Variants in CSF3R observed in about 807,000 individuals in gnomAD.
CSF3R encodes colony stimulating factor 3 receptor.
CSF3R carries 52 observed loss-of-function variants against 84.4 expected under a neutral mutation model. The ratio of observed to expected loss-of-function variants is 0.62; its 90% CI spans 0.49 to 0.78. The LOEUF is 0.78. Among genes scored for constraint, CSF3R ranks in the 30% least tolerant of loss-of-function variants. CSF3R has a pLI of 0.00. For synonymous variants in CSF3R, 384 were observed against 429.1 expected (o/e 0.89, Z 1.30); for missense variants, 890 against 1,055.7 (o/e 0.84, Z 2.17).
At chr1:36,479,316 G>T in intron 3 of CSF3R, 117 bp downstream of exon 3, 1 of 1,063,684 alleles carries the variant, frequency 9.4e-7, no homozygotes, top group East Asian at 2.6e-5. Context: ...GCTCAGACTT[G>T]AATCTTGTGG....
chr1:36,477,861 C>G (rs1260462464), intron 3 of CSF3R, among the ~76,000 whole-genome samples: 1 of 151,914 alleles, frequency 6.6e-6, no homozygotes, highest in Non-Finnish European at 1.5e-5. Flanking sequence ...TGGGCTCACG[C>G]CATTGTCCTG....
chr1:36,480,436 G>A (rs527602685), intron 2 of CSF3R, among the ~76,000 whole-genome samples: 4 of 152,316 alleles, frequency 2.6e-5, no homozygotes, highest in East Asian at 1.9e-4. Flanking sequence ...ATGAGGTCAC[G>A]GCCATAGCAC....
At position 36,466,800 on chromosome 1, in the gene CSF3R, T is replaced by G; in HGVS notation, c.2068A>C (p.Thr690Pro). ...EDAFQLPGLG[T>P]PPITKLTVLE... Reference sequence around the variant, plus strand: ...ACTGTGAGCTTGGTGATGGGTGGCGTGCCAAGGCCGGGCAGCTGGAAGGCA... The same window carrying G: ...ACTGTGAGCTTGGTGATGGGTGGCGGGCCAAGGCCGGGCAGCTGGAAGGCA... Residue 690 changes from threonine (T) to proline (P), a missense_variant, in exon 17 of 17, where the codon ACG becomes CCG. By Grantham distance (38) the Thr-to-Pro change is conservative. Transcript: ENST00000373106. The surrounding 1 kb of genome is among the most constrained non-coding windows in gnomAD (Gnocchi z 4.6). The G allele has an allele frequency of 6.2e-7, 1 of 1,614,088 alleles. No homozygotes were observed.
intron 4 of CSF3R, among the ~76,000 whole-genome samples, chr1:36,474,439 C>T (rs1040997253): frequency 1.4e-5 from 2 of 142,908 alleles, no homozygotes; most frequent in African/African-American, 5.4e-5. Context: ...ACTCTGTGGC[C>T]CAGGCTGGAG....
chr1:36,467,408 T>C lies in CSF3R; in HGVS notation c.1959-97A>G. On this transcript the variant is annotated intron_variant, in intron 15 of 16. Transcript: ENST00000373106. The surrounding 1 kb of genome is among the most constrained non-coding windows in gnomAD (Gnocchi z 4.1). ...CCACCTGAAGAGGTGCAGCTGCCCT[T>C]AGTGCAGAGAGAAGAAGCTGGGGGC... The C allele has an allele frequency of 2.1e-6, 3 of 1,428,152 alleles. No homozygotes were observed. The highest frequency in any genetic ancestry group is 3.0e-6 in the Non-Finnish European group (3 of 1,011,642). The allele number at this position is 1,428,152 out of a possible 1,614,324, so 88.5% of individuals were successfully genotyped here.
At chr1:36,475,707 C>G in intron 3 of CSF3R, 34 bp from the exon 4 acceptor site, 3 of 1,591,244 alleles carry the variant, frequency 1.9e-6, no homozygotes, top group Non-Finnish European at 2.6e-6. Context: ...GGAACGACGC[C>G]TCTGCCTAGC....
chr1:36,475,850 CAGAG>C, intron 3 of CSF3R, 177 bp from the exon 4 acceptor site: 1 of 621,012 alleles, frequency 1.6e-6, no homozygotes, highest in Non-Finnish European at 2.8e-6. Context: ...GGGGGTGACA[CAGAG>C]ATAGTGATGT....
chr1:36,470,808 AGT>A (rs139134824), intron 10 of CSF3R, among the ~76,000 whole-genome samples: 5 of 151,646 alleles, frequency 3.3e-5, no homozygotes, highest in African/African-American at 4.8e-5. Flanking sequence ...ATGGGCTGTG[AGT>A]GTGTGTGTGT....
rs967377281 is a variant in CSF3R, at chr1:36,467,194, C to T, written c.2040+36G>A. ...CCCTTCACTGAGCCTGGGCCGACAT[C>T]CCCATCTCATTTCCCTCTCCCTCCT... is the stretch of plus-strand genomic sequence containing the variant. On this transcript the variant is annotated intron_variant, in intron 16 of 16. Transcript: ENST00000373106. The surrounding 1 kb of genome is among the most constrained non-coding windows in gnomAD (Gnocchi z 4.1). 2.5e-6 allele frequency: 4 copies of T among 1,603,938 alleles called. No individual in the cohort carries two copies. The highest frequency in any genetic ancestry group is 3.3e-4 in the Middle Eastern group (2 of 6,068).
intron 6 of CSF3R, 32 bp downstream of exon 6, chr1:36,473,403 T>G (rs1381168705): frequency 6.2e-7 from 1 of 1,609,796 alleles, no homozygotes; most frequent in Admixed American, 1.7e-5. Context: ...CTGCCCATTT[T>G]GGGGATCCCC....
chr1:36,466,718 G>A lies in CSF3R; in HGVS notation c.2150C>T (p.Thr717Ile). The change falls in exon 17 of 17, where the codon ACC (threonine) becomes ATC (isoleucine). Residue 717 changes from threonine (T) to isoleucine (I), a missense_variant. Transcript: ENST00000373106. This position sits in a 1 kb window ranked among gnomAD's most constrained non-coding sequence, Gnocchi z 4.6. ...VPWESHNSSE[T>I]CGLPTLVQTY... Reference sequence around the variant, plus strand: ...CTGGACCAGAGTGGGGAGGCCACAGGTCTCTGAGCTGTTATGGGACTCCCA... The same window carrying A: ...CTGGACCAGAGTGGGGAGGCCACAGATCTCTGAGCTGTTATGGGACTCCCA... The A allele has an allele frequency of 6.2e-7, 1 of 1,614,234 alleles. No individual in the cohort carries two copies. The highest frequency in any genetic ancestry group is 8.5e-7 in the Non-Finnish European group (1 of 1,180,036).
chr1:36,469,719 G>T lies in CSF3R; in HGVS notation c.1407C>A (p.Ser469Arg), dbSNP rs1306508815. 1.2e-6 allele frequency: 2 copies of T among 1,614,174 alleles called. No individual in the cohort carries two copies. Residue 469 changes from serine to arginine, a missense_variant, in exon 11 of 17, where the codon AGC becomes AGA. By Grantham distance (110) the Ser-to-Arg change is moderately radical (BLOSUM62 -1). Coordinates refer to ENST00000373106, the MANE Select transcript of CSF3R (RefSeq NM_000760.4). The part of the protein sequence containing the change: ...YVIEWGLGPP[S>R]ASNSNKTWRM... ...TCCAGGTCTTGTTGCTATTGCTCGC[G>T]CTGGGGGGGCCCAGGCCCCACTCAA...
chr1:36,473,975 C>A, intron 4 of CSF3R, 88 bp from the exon 5 acceptor site: 1 of 1,594,000 alleles, frequency 6.3e-7, no homozygotes, highest in Non-Finnish European at 8.6e-7. Flanking sequence ...TTGCCTTGCC[C>A]TGGCTTGGTT....
At position 36,472,951 on chromosome 1, in the gene CSF3R, A is replaced by T. The variant is rs1040367156; in HGVS notation, c.674-265T>A. Reference sequence around the variant, plus strand: ...GCTTGCTCCCTCATTTCCTTCAAGGATCTGCTCAATTGTCACCCTCTTAGT... The same window carrying T: ...GCTTGCTCCCTCATTTCCTTCAAGGTTCTGCTCAATTGTCACCCTCTTAGT... On this transcript the variant is annotated intron_variant, in intron 6 of 16. Transcript: ENST00000373106. The surrounding 1 kb of genome is among the most constrained non-coding windows in gnomAD (Gnocchi z 5.0). 5.9e-6 allele frequency: 3 copies of T among 511,242 alleles called. No homozygotes were observed. Among genetic ancestry groups the T allele is most frequent in the Admixed American group, 7.7e-5 (2 of 26,100 alleles). 31.7% of individuals were successfully genotyped at this position (511,242 alleles called of 1,614,324 possible). A position where few individuals can be genotyped will look rare whatever the true frequency, so the allele number is the denominator to read the frequency against.
At position 36,467,159 on chromosome 1, in the gene CSF3R, CAGA is replaced by C. The variant is rs1173104686; in HGVS notation, c.2040+68_2040+70del. 2 of 1,529,926 alleles carry C rather than the reference CAGA, an allele frequency of 1.3e-6. No homozygotes were observed. The highest frequency in any genetic ancestry group is 1.7e-5 in the Admixed American group (1 of 59,850). 94.8% of individuals were successfully genotyped at this position (1,529,926 alleles called of 1,614,324 possible). A position where few individuals can be genotyped will look rare whatever the true frequency, so the allele number is the denominator to read the frequency against. On this transcript the variant is annotated intron_variant, in intron 16 of 16. Transcript: ENST00000373106. This position sits in a 1 kb window ranked among gnomAD's most constrained non-coding sequence, Gnocchi z 4.1. The stretch of plus-strand genomic sequence containing the variant: ...ACAGGAAGGCCTGAGTACTTGGCTT[CAGA>C]AGGTGTCCCTTCACTGAGCCTGGGC...
Position 36,467,621 on chromosome 1 carries a change from A to G in CSF3R, c.1895T>C (p.Leu632Pro). 6.2e-7 allele frequency: 1 copy of G among 1,614,182 alleles called. No individual in the cohort carries two copies. Among genetic ancestry groups the G allele is most frequent in the Non-Finnish European group, 8.5e-7 (1 of 1,180,020 alleles). ...GGTGAGCAACAGCAGGAGGCCGAAC[A>G]GGCCCAGGATGATGTGTAGCTCCGA... ...EGSELHIILGLFGLLLLLTCL... is the reference protein window; with the variant it reads ...EGSELHIILGPFGLLLLLTCL... The change falls in exon 15 of 17, where the codon CTG (leucine) becomes CCG (proline). Residue 632 changes from leucine to proline, a missense_variant. Coordinates refer to ENST00000373106, the MANE Select transcript of CSF3R (RefSeq NM_000760.4). This position sits in a 1 kb window ranked among gnomAD's most constrained non-coding sequence, Gnocchi z 4.1.
In CSF3R at chr1:36,471,454, C is replaced by A. The variant is rs1204194874; in HGVS notation, c.1264G>T (p.Val422Leu). The A allele has an allele frequency of 1.2e-6, 2 of 1,614,060 alleles. No homozygotes were observed. Reference protein sequence around the residue: ...NSAGTSRPTPVVFSESRGPAL... With the variant: ...NSAGTSRPTPLVFSESRGPAL... ...TTACCTCTGCTTTCTGAGAAGACCA[C>A]CGGAGTGGGACGAGAGGTCCCGGCT... The change falls in exon 10 of 17, where the codon GTG (valine) becomes TTG (leucine). Residue 422 changes from valine to leucine, a missense_variant. By Grantham distance (32) the Val-to-Leu change is conservative (BLOSUM62 1). Coordinates refer to ENST00000373106, the MANE Select transcript of CSF3R (RefSeq NM_000760.4).
At chr1:36,469,631 A>G (rs1650572098) in intron 11 of CSF3R, 21 bp downstream of exon 11, 1 of 1,613,510 alleles carries the variant, frequency 6.2e-7, no homozygotes, top group Non-Finnish European at 8.5e-7. Flanking sequence ...GGCCCTGCCC[A>G]ACTTTCCAGG....
chr1:36,479,759 T>C (rs1651402500), intron 2 of CSF3R, among the ~76,000 whole-genome samples: 1 of 152,228 alleles, frequency 6.6e-6, no homozygotes, highest in Non-Finnish European at 1.5e-5. Context: ...GCCACAGTTA[T>C]TATACTTGCC....
Sources: allele counts gnomAD v4.1 joint callset (sites outside exome capture counted in the v4.1 genomes callset), GRCh38; gene constraint gnomAD v4.1.1; non-coding constraint Gnocchi (gnomAD v3.1); transcripts MANE v1.5; gene names NCBI Gene and HGNC (gene_info 2026-07-23, HGNC 2026-07-21).